SS18: variants seen among roughly 807,000 people sequenced by gnomAD.
SS18 encodes the protein protein SSXT.
In SS18, 28 loss-of-function variants were observed where a neutral mutation model predicts 72.5. The observed-to-expected ratio is 0.39, with a 90% CI of 0.29 to 0.53. The LOEUF (loss-of-function observed/expected upper bound fraction) is 0.53, where lower values mean the gene tolerates loss of function less well. Among genes scored for constraint, SS18 ranks in the 20% least tolerant of loss-of-function variants. SS18 has a pLI of 0.76. For missense variants in SS18, 518 were observed against 535.3 expected (o/e 0.97, Z 0.32); for synonymous variants, 172 against 164.2 (o/e 1.05, Z -0.37).
chr18:26,086,638 T>C lies in SS18; in HGVS notation c.146+863A>G, dbSNP rs144667517. 1.6e-3 allele frequency among the ~76,000 whole-genome samples: 241 copies of C among 152,338 alleles called. 1 individual carries two copies. In the Middle Eastern group the frequency reaches 0.048, roughly 30 times the overall value. On this transcript the variant is annotated intron_variant, in intron 2 of 10. Coordinates refer to ENST00000415083, the MANE Select transcript of SS18 (RefSeq NM_001007559.3). ...TCTATTCTAATTACTTTTGATAATA[T>C]ATTCAACTTATTCTACCACATCAGA...
chr18:26,030,772 C>A (rs970109495), intron 10 of SS18, among the ~76,000 whole-genome samples: 5 of 150,864 alleles, frequency 3.3e-5, no homozygotes, highest in Non-Finnish European at 7.4e-5. Context: ...AAATAGAGGG[C>A]AGTATGATTC....
chr18:26,089,057 T>C lies in SS18; in HGVS notation c.69+1444A>G, dbSNP rs148333052. Among the ~76,000 whole-genome samples the C allele has an allele frequency of 3.8e-3, 576 of 152,354 alleles. 4 individuals are homozygous for C. The highest frequency in any genetic ancestry group is 0.013 in the African/African-American group (535 of 41,586). On this transcript the variant is annotated intron_variant, in intron 1 of 10. Transcript: ENST00000415083. ...ACTATTGAACTTCACCATTAAAATA[T>C]CTGTCTCACATCTAATATCAATCTC...
At chr18:26,062,941 T>C (rs1230706957) in intron 3 of SS18, among the ~76,000 whole-genome samples, 4 of 152,198 alleles carry the variant, frequency 2.6e-5, no homozygotes, top group African/African-American at 7.2e-5. Context: ...GATTTTAAGA[T>C]ACTTCTCTCA....
intron 7 of SS18, among the ~76,000 whole-genome samples, chr18:26,036,469 A>C (rs933279317): frequency 6.6e-6 from 1 of 152,196 alleles, no homozygotes; most frequent in Non-Finnish European, 1.5e-5. Context: ...TATATATCTT[A>C]ATGCTGCCAT....
intron 9 of SS18, among the ~76,000 whole-genome samples, chr18:26,034,220 C>T (rs1567994147): frequency 6.6e-6 from 1 of 152,010 alleles, no homozygotes; most frequent in Non-Finnish European, 1.5e-5. Context: ...GAGCTTAAGT[C>T]AATGAATAAA....
At chr18:26,081,196 T>C (rs1005255300) in intron 2 of SS18, 1 of 152,108 alleles carries the variant, frequency 6.6e-6, no homozygotes, top group African/African-American at 2.4e-5. Context: ...AATAAGTATA[T>C]TCTTTTTTCT....
At chr18:26,063,621 G>A (rs75201387) in intron 3 of SS18, among the ~76,000 whole-genome samples, 7,555 of 152,260 alleles carry the variant, frequency 0.05, 385 homozygotes, top group East Asian at 0.15. Context: ...TAATGAAAAT[G>A]TAATATCAAA....
At position 26,066,600 on chromosome 18, in the gene SS18, G is replaced by GCACACACA. The variant is rs35011668; in HGVS notation, c.232-8866_232-8859dup. On this transcript the variant is annotated intron_variant, in intron 3 of 10. Coordinates refer to ENST00000415083, the MANE Select transcript of SS18 (RefSeq NM_001007559.3). ...TTTTAATATAGTTCTGGAAATTTGT[G>GCACACACA]CACACACACACACACACACACACAC... Among the ~76,000 whole-genome samples, 747 of 144,426 alleles carry GCACACACA rather than the reference G, an allele frequency of 5.2e-3. 3 individuals carry two copies. The highest frequency in any genetic ancestry group is 0.017 in the East Asian group (85 of 4,984). 94.7% of individuals were successfully genotyped at this position (144,426 alleles called of 152,430 possible).
chr18:26,073,893 T>C (rs1196827390), intron 3 of SS18, among the ~76,000 whole-genome samples: 1 of 152,184 alleles, frequency 6.6e-6, no homozygotes, highest in Non-Finnish European at 1.5e-5. Context: ...TTAACTGTAT[T>C]TATCTAGGCA....
At chr18:26,070,436 C>T (rs2054292980) in intron 3 of SS18, among the ~76,000 whole-genome samples, 1 of 152,150 alleles carries the variant, frequency 6.6e-6, no homozygotes, top group South Asian at 2.1e-4. Flanking sequence ...TTGCTATTTG[C>T]TGTCTCCTGG....
At chr18:26,027,658 A>T (rs2053470589) in intron 10 of SS18, among the ~76,000 whole-genome samples, 1 of 124,622 alleles carries the variant, frequency 8.0e-6, no homozygotes, top group Admixed American at 9.2e-5. Context: ...GTGGTGACAG[A>T]GCGAGACTCA....
At position 26,017,930 on chromosome 18, in the gene SS18, T is replaced by TA. The variant is rs1327628768; in HGVS notation, c.*423dup. ...GCATATTCACCACATGAAATAAACA[T>TA]AATATACAAAATATTGCTGCTGTAA... On this transcript the variant is annotated 3_prime_UTR_variant, in exon 11 of 11. Transcript: ENST00000415083. 4.2e-6 allele frequency: 1 copy of TA among 240,680 alleles called. No homozygotes were observed. Among genetic ancestry groups the TA allele is most frequent in the Non-Finnish European group, 8.1e-6 (1 of 122,778 alleles). 14.9% of individuals were successfully genotyped at this position (240,680 alleles called of 1,614,324 possible).
chr18:26,047,259 C>CAAAAA (rs71169806), intron 5 of SS18, among the ~76,000 whole-genome samples: 26 of 75,678 alleles, frequency 3.4e-4, no homozygotes, highest in Admixed American at 7.8e-4. Flanking sequence ...AGTAATATGC[C>CAAAAA]AAAAAAAAAA....
chr18:26,043,228 G>T (rs559827984), intron 5 of SS18, among the ~76,000 whole-genome samples: 1 of 152,116 alleles, frequency 6.6e-6, no homozygotes, highest in South Asian at 2.1e-4. Context: ...TCCAAAGCCC[G>T]TGCTCTTAAT....
In SS18 at chr18:26,045,064, A is replaced by G. The variant is rs116034168; in HGVS notation, c.608-5608T>C. Among the ~76,000 whole-genome samples the G allele has an allele frequency of 3.0e-3, 461 of 152,290 alleles. 5 individuals carry two copies. The highest frequency in any genetic ancestry group is 9.5e-3 in the African/African-American group (393 of 41,552). ...CATGGTAAATATCCCACAATTGACTACTTCTGATTACCTCCATAGCTATCA... is the reference window on the plus strand; with the variant it reads ...CATGGTAAATATCCCACAATTGACTGCTTCTGATTACCTCCATAGCTATCA... On this transcript the variant is annotated intron_variant, in intron 5 of 10. Coordinates refer to ENST00000415083, the MANE Select transcript of SS18 (RefSeq NM_001007559.3).
intron 10 of SS18, among the ~76,000 whole-genome samples, chr18:26,018,861 G>A (rs2053294668): frequency 1.3e-5 from 2 of 152,166 alleles, no homozygotes; most frequent in Admixed American, 1.3e-4. Context: ...GACATAAAAG[G>A]TAAAGAACCT....
intron 4 of SS18, among the ~76,000 whole-genome samples, chr18:26,054,219 C>T (rs1470560548): frequency 6.6e-6 from 1 of 152,088 alleles, no homozygotes; most frequent in South Asian, 2.1e-4. Context: ...ATTTGTTTTT[C>T]CAAGTATTTT....
At chr18:26,076,381 C>T (rs375046408) in intron 3 of SS18, among the ~76,000 whole-genome samples, 3 of 151,588 alleles carry the variant, frequency 2.0e-5, no homozygotes, top group African/African-American at 7.2e-5. Flanking sequence ...TAAACGGACA[C>T]CTGATACAAC....
rs1239894548 is a variant in SS18 at position 26,057,661 on chromosome 18, G to A, written c.313C>T (p.Pro105Ser). 2 of 1,614,006 alleles carry A rather than the reference G, an allele frequency of 1.2e-6. No individual in the cohort carries two copies. The highest frequency in any genetic ancestry group is 2.7e-5 in the African/African-American group (2 of 74,916). The change falls in exon 4 of 11, where the codon CCT (proline) becomes TCT (serine). Residue 105 changes from proline to serine, a missense_variant. Pro to Ser is a moderately conservative substitution (Grantham distance 74). Coordinates refer to ENST00000415083, the MANE Select transcript of SS18 (RefSeq NM_001007559.3). ...CCCCCACCTACCATTCCATCTGAAGGCATGTTGTGAGAGCGTGGAGGTGGG... is the reference window on the plus strand; with the variant it reads ...CCCCCACCTACCATTCCATCTGAAGACATGTTGTGAGAGCGTGGAGGTGGG... ...PPPPPRSHNMPSDGMVGGGPP... is the reference protein window; with the variant it reads ...PPPPPRSHNMSSDGMVGGGPP...
Sources: gnomAD v4.1 joint callset for allele counts (sites outside exome capture counted in the v4.1 genomes callset) on GRCh38, gnomAD v4.1.1 for gene constraint, MANE v1.5 for transcripts, NCBI Gene and HGNC (gene_info 2026-07-23, HGNC 2026-07-21) for gene names.